The following LRP1B variants were observed in gnomAD, a reference collection of about 807,000 sequenced individuals.
LRP1B encodes the protein LDL receptor related protein 1B, also known as low-density lipoprotein receptor-related protein 1B.
LRP1B carries 217 observed loss-of-function variants against 556.6 expected under a neutral mutation model. That is an observed-to-expected ratio of 0.39 (90% CI 0.35 to 0.44). LRP1B has a LOEUF of 0.44. LRP1B is among the 20% of genes least tolerant of loss of function. LRP1B has a pLI of 1.00. For synonymous variants in LRP1B, 2,047 were observed against 1,865.8 expected (o/e 1.10, Z -2.50); for missense variants, 5,053 against 5,620.8 (o/e 0.90, Z 3.23).
At chr2:142,077,493 A>G (rs997418614) in intron 1 of LRP1B, among the ~76,000 whole-genome samples, 2 of 152,180 alleles carry the variant, frequency 1.3e-5, no homozygotes, top group Non-Finnish European at 2.9e-5. Flanking sequence ...TTGTATATGC[A>G]GAGAAAAAAG....
chr2:140,996,752 A>C (rs1336756128), intron 15 of LRP1B, among the ~76,000 whole-genome samples: 2 of 152,048 alleles, frequency 1.3e-5, no homozygotes, highest in Non-Finnish European at 1.5e-5. Flanking sequence ...ACATGGATAA[A>C]GTTGCAAAAG....
chr2:140,502,924 C>T (rs777897018), intron 54 of LRP1B, 39 bp downstream of exon 54: 8 of 1,597,834 alleles, frequency 5.0e-6, no homozygotes, highest in Non-Finnish European at 6.8e-6. Flanking sequence ...CCATTGAAAA[C>T]ACTTTAGAGT....
intron 1 of LRP1B, among the ~76,000 whole-genome samples, chr2:141,906,364 A>C (rs1432048048): frequency 6.6e-6 from 1 of 151,966 alleles, no homozygotes; most frequent in African/African-American, 2.4e-5. Flanking sequence ...TATGCAATTC[A>C]CCATACTGGA....
At chr2:141,789,195 A>G (rs1338034614) in intron 2 of LRP1B, among the ~76,000 whole-genome samples, 11 of 151,972 alleles carry the variant, frequency 7.2e-5, no homozygotes, top group Non-Finnish European at 4.4e-5. Context: ...GCTTCTGGAT[A>G]AGGATTGAAG....
intron 2 of LRP1B, among the ~76,000 whole-genome samples, chr2:141,577,003 A>T (rs1313485469): frequency 6.6e-6 from 1 of 151,914 alleles, no homozygotes; most frequent in Non-Finnish European, 1.5e-5. Context: ...TTGCTCACTT[A>T]TTACATTATT....
At chr2:141,316,131 C>T (rs192120122) in intron 3 of LRP1B, among the ~76,000 whole-genome samples, 38 of 151,922 alleles carry the variant, frequency 2.5e-4, no homozygotes, top group African/African-American at 8.7e-4. Flanking sequence ...GCTTGAACCC[C>T]GTGGAAAGCT....
intron 7 of LRP1B, among the ~76,000 whole-genome samples, chr2:141,135,964 TTA>T (rs779378932): frequency 2.1e-5 from 3 of 141,568 alleles, no homozygotes; most frequent in East Asian, 2.7e-4. Context: ...GATTTCTGAA[TTA>T]TGTTTGCATG....
At chr2:141,189,757 A>T (rs1003697959) in intron 6 of LRP1B, among the ~76,000 whole-genome samples, 1 of 152,026 alleles carries the variant, frequency 6.6e-6, no homozygotes, top group Admixed American at 6.6e-5. Flanking sequence ...ATTTTAATTA[A>T]CTGGAATTTA....
At chr2:141,968,277 G>A (rs1346152221) in intron 1 of LRP1B, among the ~76,000 whole-genome samples, 3 of 151,902 alleles carry the variant, frequency 2.0e-5, no homozygotes, top group Non-Finnish European at 4.4e-5. Flanking sequence ...GGTGATAAAT[G>A]TATTTTGCAA....
intron 2 of LRP1B, among the ~76,000 whole-genome samples, chr2:141,758,885 T>C (rs1253923422): frequency 2.6e-5 from 4 of 152,144 alleles, no homozygotes; most frequent in Non-Finnish European, 5.9e-5. Context: ...CTGATAAAAT[T>C]ATTCTGTCCT....
At chr2:141,801,898 T>C (rs1442410174) in intron 2 of LRP1B, among the ~76,000 whole-genome samples, 1 of 152,128 alleles carries the variant, frequency 6.6e-6, no homozygotes, top group African/African-American at 2.4e-5. Context: ...TTTTAATAGA[T>C]ATATAGTAAG....
At chr2:140,411,498 G>GA (rs1305580905) in intron 66 of LRP1B, among the ~76,000 whole-genome samples, 13 of 151,836 alleles carry the variant, frequency 8.6e-5, no homozygotes, top group Admixed American at 6.6e-4. Flanking sequence ...CTATCTGGGG[G>GA]AAAAAATCTC....
chr2:141,363,049 G>A (rs1688890988), intron 3 of LRP1B, among the ~76,000 whole-genome samples: 1 of 152,024 alleles, frequency 6.6e-6, no homozygotes, highest in Non-Finnish European at 1.5e-5. Context: ...TTCAAATTAT[G>A]TAGAGTGAAT....
At chr2:141,183,061 C>T (rs1681074335) in intron 7 of LRP1B, among the ~76,000 whole-genome samples, 1 of 151,846 alleles carries the variant, frequency 6.6e-6, no homozygotes, top group Non-Finnish European at 1.5e-5. Flanking sequence ...CGTCTCAGTC[C>T]TCAAAGTGAT....
intron 14 of LRP1B, 39 bp from the exon 15 acceptor site, chr2:141,005,496 A>G: frequency 1.2e-6 from 2 of 1,603,446 alleles, no homozygotes; most frequent in Non-Finnish European, 1.7e-6. Context: ...GAGAACTCTG[A>G]TTCACGTTCT....
At chr2:141,777,674 C>A (rs902906961) in intron 2 of LRP1B, among the ~76,000 whole-genome samples, 4 of 152,076 alleles carry the variant, frequency 2.6e-5, no homozygotes, top group African/African-American at 9.7e-5. Flanking sequence ...CTCGGCCTCC[C>A]AAATTGCTGG....
At chr2:141,893,809 A>G (rs1180854646) in intron 1 of LRP1B, among the ~76,000 whole-genome samples, 1 of 152,230 alleles carries the variant, frequency 6.6e-6, no homozygotes, top group Non-Finnish European at 1.5e-5. Flanking sequence ...ACCAATAAGT[A>G]CCAATGAAAA....
intron 30 of LRP1B, among the ~76,000 whole-genome samples, chr2:140,840,306 AAT>A (rs940156266): frequency 1.3e-5 from 2 of 152,166 alleles, no homozygotes; most frequent in African/African-American, 2.4e-5. Context: ...GTGAAGAAAA[AAT>A]ATCTCACTTC....
intron 25 of LRP1B, among the ~76,000 whole-genome samples, chr2:140,872,360 A>ATTTTGTTTTTTTTTTTT (rs1693164159): frequency 1.7e-5 from 1 of 60,496 alleles, no homozygotes; most frequent in African/African-American, 6.8e-5. Context: ...GTGTCACCTG[A>ATTTTGTTTTTTTTTTTT]TTTTTTTTTT....
Sources: allele counts gnomAD v4.1 joint callset (sites outside exome capture counted in the v4.1 genomes callset), GRCh38; gene constraint gnomAD v4.1.1; transcripts MANE v1.5; gene names NCBI Gene and HGNC (gene_info 2026-07-23, HGNC 2026-07-21).